ARHGAP28: variants seen among roughly 807,000 people sequenced by gnomAD.
ARHGAP28 encodes rho GTPase-activating protein 28.
Under a neutral mutation model 90.7 loss-of-function variants are expected in ARHGAP28, and 56 were observed. The observed-to-expected ratio is 0.62, with a 90% CI of 0.50 to 0.77. The LOEUF (loss-of-function observed/expected upper bound fraction) is 0.77. Ranked by LOEUF, ARHGAP28 falls within the 30% of genes least tolerant of loss-of-function variation. The pLI, the probability that ARHGAP28 is intolerant of heterozygous loss-of-function variation, is 0.00. For synonymous variants in ARHGAP28, 308 were observed against 323.3 expected, an observed-to-expected ratio of 0.95 and a Z score of 0.51; for missense variants, 869 against 900.9, an observed-to-expected ratio of 0.96 and a Z score of 0.45.
intron 3 of ARHGAP28, among the ~76,000 whole-genome samples, chr18:6,841,152 C>CCTCTTTCTCTCTCTCCTCTCT (rs2056808150): frequency 2.7e-5 from 3 of 112,230 alleles, no homozygotes; most frequent in African/African-American, 6.7e-5. Context: ...CTGTCTCTCT[C>CCTCTTTCTCTCTCTCCTCTCT]CTCTTTCTCT....
chr18:6,851,274 T>G, intron 4 of ARHGAP28, 148 bp downstream of exon 4: 1 of 674,124 alleles, frequency 1.5e-6, no homozygotes, highest in Non-Finnish European at 2.5e-6. Context: ...AGGTGATTTT[T>G]AAGGAAAATA....
At chr18:6,766,371 G>T (rs369461669) in intron 1 of ARHGAP28, among the ~76,000 whole-genome samples, 30 of 152,120 alleles carry the variant, frequency 2.0e-4, no homozygotes, top group East Asian at 1.2e-3. Context: ...TTTAGTCCTA[G>T]TTCTTTTTCT....
chr18:6,787,849 T>A (rs1347958317), intron 1 of ARHGAP28, among the ~76,000 whole-genome samples: 2 of 152,258 alleles, frequency 1.3e-5, no homozygotes, highest in Non-Finnish European at 2.9e-5. Flanking sequence ...TCCAACTTTT[T>A]AAATAATCTA....
At chr18:6,894,374 G>C (rs990190904) in intron 14 of ARHGAP28, among the ~76,000 whole-genome samples, 26 of 152,258 alleles carry the variant, frequency 1.7e-4, no homozygotes, top group African/African-American at 6.0e-4. Flanking sequence ...CTGCTTACCA[G>C]CAAATATCAG....
chr18:6,831,471 G>GTTTTTTTTTTTTTCTTT (rs2056714337), intron 2 of ARHGAP28, among the ~76,000 whole-genome samples: 1 of 109,306 alleles, frequency 9.1e-6, no homozygotes, highest in African/African-American at 3.5e-5. Context: ...GTATCTTGAT[G>GTTTTTTTTTTTTTCTTT]TTTTTTTTTT....
intron 2 of ARHGAP28, among the ~76,000 whole-genome samples, chr18:6,827,955 C>T (rs1268371361): frequency 2.6e-4 from 40 of 152,030 alleles, no homozygotes; most frequent in African/African-American, 8.9e-4. Context: ...GGGTGGCGGC[C>T]GGGCAGAGGC....
intron 1 of ARHGAP28, among the ~76,000 whole-genome samples, chr18:6,824,079 A>C (rs1301374231): frequency 5.3e-5 from 8 of 152,046 alleles, no homozygotes; most frequent in African/African-American, 1.9e-4. Flanking sequence ...GTGAGCAGCA[A>C]CTCTTATGTC....
chr18:6,794,750 A>C (rs1352884447), intron 1 of ARHGAP28, among the ~76,000 whole-genome samples: 1 of 152,122 alleles, frequency 6.6e-6, no homozygotes, highest in Admixed American at 6.6e-5. Flanking sequence ...GACACAGATC[A>C]TAGCTCACTG....
chr18:6,861,924 G>C (rs1324052895), intron 5 of ARHGAP28, among the ~76,000 whole-genome samples: 1 of 152,162 alleles, frequency 6.6e-6, no homozygotes, highest in East Asian at 1.9e-4. Flanking sequence ...TCCAGGGTAA[G>C]TTAATCACCC....
At chr18:6,787,493 T>A (rs2056374801) in intron 1 of ARHGAP28, among the ~76,000 whole-genome samples, 1 of 152,144 alleles carries the variant, frequency 6.6e-6, no homozygotes, top group Non-Finnish European at 1.5e-5. Flanking sequence ...TCATGTAGAT[T>A]GGTGGTTTTC....
At chr18:6,897,676 C>T (rs1015454365) in intron 16 of ARHGAP28, 1 of 152,166 alleles carries the variant, frequency 6.6e-6, no homozygotes, top group Admixed American at 6.5e-5. Context: ...TAAAAGTTAA[C>T]ATATTGCATG....
At chr18:6,802,679 C>T (rs2056490989) in intron 1 of ARHGAP28, among the ~76,000 whole-genome samples, 1 of 151,982 alleles carries the variant, frequency 6.6e-6, no homozygotes, top group Admixed American at 6.6e-5. Flanking sequence ...TGAGGAACTT[C>T]TATACACTTT....
intron 1 of ARHGAP28, among the ~76,000 whole-genome samples, chr18:6,734,405 G>A (rs560995517): frequency 5.3e-5 from 8 of 152,046 alleles, no homozygotes; most frequent in East Asian, 3.9e-4. Flanking sequence ...TAAACTTCCC[G>A]AGAGAGGACA....
At position 6,802,775 on chromosome 18, in the gene ARHGAP28, A is replaced by G. The variant is rs546968046; in HGVS notation, c.123-21987A>G. On this transcript the variant is annotated intron_variant, in intron 1 of 17. Transcript: ENST00000383472. Reference sequence around the variant, plus strand: ...ACAAGTTATATCTCTTCATTAATTTAGGTGTTCTTTAATTTCTCAGCAATG... The same window carrying G: ...ACAAGTTATATCTCTTCATTAATTTGGGTGTTCTTTAATTTCTCAGCAATG... 1.2e-4 allele frequency among the ~76,000 whole-genome samples: 19 copies of G among 152,282 alleles called. 1 individual carries two copies. The South Asian group carries it at 2.9e-3, about 23-fold the overall frequency.
intron 16 of ARHGAP28, among the ~76,000 whole-genome samples, chr18:6,906,508 A>C (rs1282235417): frequency 6.6e-6 from 1 of 152,164 alleles, no homozygotes; most frequent in African/African-American, 2.4e-5. Context: ...TTTTGAGAAA[A>C]CTACAAAAGC....
At chr18:6,882,498 C>A (rs1024312147) in intron 11 of ARHGAP28, 199 bp downstream of exon 11, 9 of 428,174 alleles carry the variant, frequency 2.1e-5, no homozygotes, top group Non-Finnish European at 3.2e-5. Context: ...GTTTTATAAT[C>A]ATTAAAAGGC....
intron 1 of ARHGAP28, among the ~76,000 whole-genome samples, chr18:6,805,182 T>C (rs555384825): frequency 2.0e-5 from 3 of 152,252 alleles, no homozygotes; most frequent in Admixed American, 6.5e-5. Flanking sequence ...TTTTGTCTAT[T>C]TTTCCTGGCT....
intron 2 of ARHGAP28, among the ~76,000 whole-genome samples, chr18:6,829,082 G>A (rs2056696068): frequency 6.6e-6 from 1 of 152,170 alleles, no homozygotes; most frequent in Admixed American, 6.5e-5. Context: ...CACCACACAT[G>A]TAACGAGAAT....
At chr18:6,760,438 G>C (rs11081268) in intron 1 of ARHGAP28, among the ~76,000 whole-genome samples, 10 of 152,042 alleles carry the variant, frequency 6.6e-5, no homozygotes, top group African/African-American at 2.4e-4. Context: ...TTATACAGTA[G>C]AGTATAATGG....
Sources: allele counts gnomAD v4.1 joint callset (sites outside exome capture counted in the v4.1 genomes callset), GRCh38; gene constraint gnomAD v4.1.1; transcripts MANE v1.5; gene names NCBI Gene and HGNC (gene_info 2026-07-23, HGNC 2026-07-21).